The following CFAP299 variants were observed in gnomAD, a reference collection of about 807,000 sequenced individuals.
CFAP299 encodes cilia and flagella associated protein 299.
CFAP299 carries 21 observed loss-of-function variants against 27.0 expected under a neutral mutation model. The ratio of observed to expected loss-of-function variants is 0.78; its 90% CI spans 0.55 to 1.12. The LOEUF (loss-of-function observed/expected upper bound fraction) is 1.12. Among genes scored for constraint, CFAP299 ranks in the 50% most tolerant of loss-of-function variants. CFAP299 has a pLI of 0.00. For missense variants in CFAP299, 310 were observed against 276.6 expected (o/e 1.12, Z -0.86); for synonymous variants, 104 against 98.1 (o/e 1.06, Z -0.36).
intron 2 of CFAP299, among the ~76,000 whole-genome samples, chr4:80,569,887 A>C (rs930683207): frequency 1.3e-5 from 2 of 152,098 alleles, no homozygotes; most frequent in African/African-American, 2.4e-5. Context: ...TTTATTCTTT[A>C]CAAATTGGAA....
At chr4:80,449,809 C>G (rs528388795) in intron 2 of CFAP299, among the ~76,000 whole-genome samples, 18 of 151,794 alleles carry the variant, frequency 1.2e-4, no homozygotes, top group African/African-American at 4.1e-4. Flanking sequence ...TCCATAATCT[C>G]CTTAAGTACT....
chr4:80,794,379 C>G (rs1727736821), intron 3 of CFAP299, among the ~76,000 whole-genome samples: 1 of 152,198 alleles, frequency 6.6e-6, no homozygotes, highest in South Asian at 2.1e-4. Context: ...AGTGTTGCCA[C>G]TTCCACTTCC....
At chr4:80,951,473 T>C (rs149695238) in intron 5 of CFAP299, among the ~76,000 whole-genome samples, 197 of 152,328 alleles carry the variant, frequency 1.3e-3, no homozygotes, top group African/African-American at 4.6e-3. Context: ...AACAGTGAGC[T>C]ACTTTGGCAT....
At chr4:80,515,726 T>C (rs1732551564) in intron 2 of CFAP299, among the ~76,000 whole-genome samples, 1 of 152,160 alleles carries the variant, frequency 6.6e-6, no homozygotes. Context: ...CTTTGTTTTT[T>C]GGAGGGTAGC....
chr4:80,576,242 T>C (rs1489875913), intron 2 of CFAP299, among the ~76,000 whole-genome samples: 2 of 150,114 alleles, frequency 1.3e-5, no homozygotes. Flanking sequence ...AGTTTCTTCA[T>C]TGACCCACTG....
At chr4:80,800,012 G>T (rs181461227) in intron 3 of CFAP299, among the ~76,000 whole-genome samples, 11 of 50,270 alleles carry the variant, frequency 2.2e-4, no homozygotes, top group Admixed American at 3.9e-4. Flanking sequence ...TATATAATAA[G>T]TAATATATAT....
intron 3 of CFAP299, among the ~76,000 whole-genome samples, chr4:80,838,789 T>C (rs576398601): frequency 3.0e-4 from 46 of 152,268 alleles, no homozygotes; most frequent in African/African-American, 1.0e-3. Context: ...TTTTTTCTAA[T>C]TATATGAAGA....
In CFAP299 at chr4:80,399,343, A is replaced by G. The variant is rs146770182; in HGVS notation, c.242+36459A>G. ...TGACCCAGCCATCCCATTACTGGGT[A>G]TATACCCAAAGGATTATAAATCAGG... On this transcript the variant is annotated intron_variant, in intron 2 of 5. Transcript: ENST00000358105. 3.4e-3 allele frequency among the ~76,000 whole-genome samples: 521 copies of G among 152,310 alleles called. 1 individual carries two copies. The highest frequency in any genetic ancestry group is 0.012 in the African/African-American group (490 of 41,562).
At chr4:80,893,039 T>C (rs1329072664) in intron 4 of CFAP299, among the ~76,000 whole-genome samples, 1 of 150,886 alleles carries the variant, frequency 6.6e-6, no homozygotes. Context: ...TTCAGTAAAA[T>C]AGGATCAAAA....
intron 2 of CFAP299, among the ~76,000 whole-genome samples, chr4:80,478,786 GT>G (rs781431585): frequency 1.7e-3 from 244 of 141,554 alleles, no homozygotes; most frequent in Middle Eastern, 7.5e-3. Context: ...GGAGTGCTCT[GT>G]TTTTTTTTTT....
At chr4:80,685,247 T>A (rs1473633685) in intron 3 of CFAP299, among the ~76,000 whole-genome samples, 1 of 152,294 alleles carries the variant, frequency 6.6e-6, no homozygotes, top group East Asian at 1.9e-4. Context: ...AGTGAATATA[T>A]TTTTTGGCTG....
chr4:80,914,047 G>C (rs1387572119), intron 4 of CFAP299, among the ~76,000 whole-genome samples: 1 of 152,080 alleles, frequency 6.6e-6, no homozygotes, highest in East Asian at 1.9e-4. Flanking sequence ...TGCTTGCTGA[G>C]TACTATTCCA....
intron 2 of CFAP299, among the ~76,000 whole-genome samples, chr4:80,462,909 A>G (rs1325122737): frequency 6.6e-6 from 1 of 152,184 alleles, no homozygotes; most frequent in African/African-American, 2.4e-5. Context: ...ATATTACTTC[A>G]GTCTAGAATA....
chr4:80,562,690 T>TAAC (rs1316891131), intron 2 of CFAP299, among the ~76,000 whole-genome samples: 1 of 144,682 alleles, frequency 6.9e-6, no homozygotes, highest in African/African-American at 2.6e-5. Context: ...ATAATAATAA[T>TAAC]AATAACAACA....
At chr4:80,621,944 A>G (rs987152838) in intron 3 of CFAP299, among the ~76,000 whole-genome samples, 2 of 152,038 alleles carry the variant, frequency 1.3e-5, no homozygotes, top group Non-Finnish European at 2.9e-5. Context: ...TAGAGGAGCC[A>G]GTTAGAAGAA....
intron 3 of CFAP299, among the ~76,000 whole-genome samples, chr4:80,752,649 A>G (rs1275361440): frequency 6.6e-6 from 1 of 151,504 alleles, no homozygotes; most frequent in Admixed American, 6.6e-5. Flanking sequence ...ATTGTTACTC[A>G]TTTAAATGTG....
chr4:80,695,905 T>C (rs1465833157), intron 3 of CFAP299, among the ~76,000 whole-genome samples: 26 of 152,100 alleles, frequency 1.7e-4, no homozygotes, highest in Admixed American at 1.7e-3. Flanking sequence ...TTACCTTGGC[T>C]TCCCAAAGTG....
At chr4:80,569,850 A>C (rs1735497606) in intron 2 of CFAP299, among the ~76,000 whole-genome samples, 1 of 152,038 alleles carries the variant, frequency 6.6e-6, no homozygotes, top group Admixed American at 6.6e-5. Flanking sequence ...TAGCTTCATG[A>C]TTGGAAGCTA....
intron 5 of CFAP299, among the ~76,000 whole-genome samples, chr4:80,949,168 AATT>A (rs1182377843): frequency 6.6e-6 from 1 of 152,180 alleles, no homozygotes; most frequent in Non-Finnish European, 1.5e-5. Context: ...GTCAACAGTT[AATT>A]ATTAGTAGAA....
Sources: allele counts gnomAD v4.1 joint callset (sites outside exome capture counted in the v4.1 genomes callset), GRCh38; gene constraint gnomAD v4.1.1; transcripts MANE v1.5; gene names NCBI Gene and HGNC (gene_info 2026-07-23, HGNC 2026-07-21).